Variants in SNX29 observed in about 807,000 individuals in gnomAD.
SNX29 encodes the protein sorting nexin-29.
SNX29 carries 78 observed loss-of-function variants against 102.1 expected under a neutral mutation model. That is an observed-to-expected ratio of 0.76 (90% confidence interval 0.64 to 0.92). The LOEUF is 0.92. Ranked by LOEUF, SNX29 falls within the 40% of genes least tolerant of loss-of-function variation. The probability of loss-of-function intolerance (pLI) is 0.00; values close to 1 mark genes in which losing one functional copy is unlikely to be tolerated. For synonymous variants in SNX29, 580 were observed against 414.5 expected, an observed-to-expected ratio of 1.40 and a Z score of -4.85; for missense variants, 1,280 against 1,061.7, an observed-to-expected ratio of 1.21 and a Z score of -2.86.
intron 18 of SNX29, among the ~76,000 whole-genome samples, chr16:12,459,832 C>T (rs1254120357): frequency 6.6e-6 from 1 of 152,132 alleles, no homozygotes; most frequent in Non-Finnish European, 1.5e-5. Flanking sequence ...TGTACCCGTC[C>T]AGTAATACCC....
chr16:12,449,201 G>T (rs1459017405), intron 18 of SNX29, among the ~76,000 whole-genome samples: 5 of 152,070 alleles, frequency 3.3e-5, no homozygotes. Flanking sequence ...TTGGTCTAGG[G>T]CATTGGAGGA....
At chr16:12,352,216 C>T (rs894451800) in intron 15 of SNX29, among the ~76,000 whole-genome samples, 3 of 152,194 alleles carry the variant, frequency 2.0e-5, no homozygotes, top group Non-Finnish European at 4.4e-5. Context: ...GTCCTTTGTA[C>T]GGACATGGAT....
intron 20 of SNX29, among the ~76,000 whole-genome samples, chr16:12,531,384 G>A (rs537053922): frequency 2.6e-5 from 4 of 152,224 alleles, no homozygotes; most frequent in Admixed American, 2.6e-4. Flanking sequence ...GATGGATTGG[G>A]CGATGGGCTA....
chr16:12,219,240 A>G (rs985159089), intron 14 of SNX29, among the ~76,000 whole-genome samples: 3 of 149,398 alleles, frequency 2.0e-5, no homozygotes, highest in Non-Finnish European at 4.4e-5. Context: ...GTCAGTTGTC[A>G]TCTTTGATCT....
chr16:12,491,530 T>A (rs912229061), intron 19 of SNX29, among the ~76,000 whole-genome samples: 1 of 151,354 alleles, frequency 6.6e-6, no homozygotes, highest in African/African-American at 2.4e-5. Context: ...ATGTGACTTA[T>A]TTTTTTTTAT....
intron 18 of SNX29, among the ~76,000 whole-genome samples, chr16:12,475,055 T>C (rs987878396): frequency 6.6e-6 from 1 of 152,248 alleles, no homozygotes; most frequent in Non-Finnish European, 1.5e-5. Flanking sequence ...CTGGCATAGC[T>C]GCGCTATTCG....
intron 20 of SNX29, among the ~76,000 whole-genome samples, chr16:12,549,387 C>T (rs970105393): frequency 6.6e-6 from 1 of 152,158 alleles, no homozygotes; most frequent in Admixed American, 6.5e-5. Flanking sequence ...CCCAGCTACT[C>T]AGAAGGCTGA....
At chr16:12,024,780 T>C (rs2057141158) in intron 3 of SNX29, among the ~76,000 whole-genome samples, 1 of 152,166 alleles carries the variant, frequency 6.6e-6, no homozygotes, top group African/African-American at 2.4e-5. Flanking sequence ...CTAATAGCAA[T>C]TGTTGAGTTG....
intron 1 of SNX29, among the ~76,000 whole-genome samples, chr16:11,985,551 A>G (rs1332096512): frequency 6.6e-6 from 1 of 152,208 alleles, no homozygotes; most frequent in East Asian, 1.9e-4. Flanking sequence ...GGCTTCACCC[A>G]CAGGCAGCCG....
intron 13 of SNX29, among the ~76,000 whole-genome samples, chr16:12,183,148 C>T (rs1024458316): frequency 6.6e-6 from 1 of 151,958 alleles, no homozygotes; most frequent in African/African-American, 2.4e-5. Context: ...CACGGGCGTG[C>T]GCCACCACAC....
chr16:12,529,173 G>A lies in SNX29; in HGVS notation c.2318+4332G>A, dbSNP rs138135338. Among the ~76,000 whole-genome samples the A allele has an allele frequency of 2.5e-3, 376 of 152,284 alleles. 2 individuals carry two copies. The highest frequency in any genetic ancestry group is 8.4e-3 in the African/African-American group (348 of 41,550). On this transcript the variant is annotated intron_variant, in intron 20 of 20. Transcript: ENST00000566228. Reference sequence around the variant, plus strand: ...CCAGCTCTGAATTGGAAAGTAGGCCGGTGGGAAGTGGGGCATTTCTTTTCT... The same window carrying A: ...CCAGCTCTGAATTGGAAAGTAGGCCAGTGGGAAGTGGGGCATTTCTTTTCT...
At chr16:12,317,064 C>G (rs550345096) in intron 15 of SNX29, among the ~76,000 whole-genome samples, 1 of 152,182 alleles carries the variant, frequency 6.6e-6, no homozygotes, top group Non-Finnish European at 1.5e-5. Flanking sequence ...TCCTACCTGC[C>G]CAGGTGAGAG....
At chr16:12,396,842 G>C (rs1037231072) in intron 16 of SNX29, among the ~76,000 whole-genome samples, 1 of 152,204 alleles carries the variant, frequency 6.6e-6, no homozygotes, top group Non-Finnish European at 1.5e-5. Flanking sequence ...TTATGGTTAT[G>C]CAGTTAATAC....
Position 12,513,940 on chromosome 16 carries a change from C to T in SNX29, c.2179-10762C>T, listed in dbSNP as rs77286403. ...TCTCGTCAGCTTCCCAATTAGCAAC[C>T]GCACAGTGGGCTCCCCAGAAACAAC... On this transcript the variant is annotated intron_variant, in intron 19 of 20. Coordinates refer to ENST00000566228, the MANE Select transcript of SNX29 (RefSeq NM_032167.5). Among the ~76,000 whole-genome samples the T allele has an allele frequency of 4.0e-3, 604 of 152,262 alleles. 5 individuals are homozygous for T. Among genetic ancestry groups the T allele is most frequent in the African/African-American group, 0.014 (565 of 41,550 alleles).
chr16:12,376,152 G>C (rs1366919567), intron 16 of SNX29: 1 of 152,296 alleles, frequency 6.6e-6, no homozygotes, highest in Non-Finnish European at 1.5e-5. Context: ...TTACCCAGGA[G>C]GTGAGGACCA....
chr16:12,538,412 T>C (rs1049532251), intron 20 of SNX29, among the ~76,000 whole-genome samples: 4 of 152,164 alleles, frequency 2.6e-5, no homozygotes, highest in Admixed American at 2.6e-4. Flanking sequence ...TTTAAAATGA[T>C]GTCTGGGAGT....
chr16:12,250,443 G>A (rs1164287173), intron 14 of SNX29, among the ~76,000 whole-genome samples: 12 of 152,148 alleles, frequency 7.9e-5, no homozygotes, highest in Non-Finnish European at 1.6e-4. Flanking sequence ...GCAGAAGAGG[G>A]TTTTAAGGTA....
chr16:12,431,562 A>G (rs2151629653), intron 18 of SNX29, among the ~76,000 whole-genome samples: 1 of 152,034 alleles, frequency 6.6e-6, no homozygotes, highest in Middle Eastern at 3.4e-3. Flanking sequence ...CACATCAAAA[A>G]GTGAAATAAA....
At chr16:12,531,222 C>G (rs990664168) in intron 20 of SNX29, among the ~76,000 whole-genome samples, 1 of 152,120 alleles carries the variant, frequency 6.6e-6, no homozygotes, top group African/African-American at 2.4e-5. Flanking sequence ...CCCAAGTCAT[C>G]CCCTGTGCCT....
Sources: allele counts gnomAD v4.1 joint callset (sites outside exome capture counted in the v4.1 genomes callset), GRCh38; gene constraint gnomAD v4.1.1; transcripts MANE v1.5; gene names NCBI Gene and HGNC (gene_info 2026-07-23, HGNC 2026-07-21).